The following NTRK2 variants were observed in gnomAD, a reference collection of about 807,000 sequenced individuals.
NTRK2 encodes BDNF/NT-3 growth factors receptor.
In NTRK2, 13 loss-of-function variants were observed where a neutral mutation model predicts 94.5. The observed-to-expected ratio is 0.14, with a 90% CI of 0.09 to 0.22. NTRK2 has a LOEUF of 0.22. NTRK2 is among the 10% of genes least tolerant of loss of function. NTRK2 has a pLI of 1.00. For synonymous variants in NTRK2, 372 were observed against 407.4 expected (o/e 0.91, Z 1.05); for missense variants, 639 against 1,071.2 (o/e 0.60, Z 5.63).
At chr9:84,885,912 T>C (rs1310145479) in intron 14 of NTRK2, among the ~76,000 whole-genome samples, 1 of 152,032 alleles carries the variant, frequency 6.6e-6, no homozygotes, top group African/African-American at 2.4e-5. Context: ...GCGCCTGTAA[T>C]CCCAGCTACT....
chr9:84,918,603 A>G (rs1478160495), intron 14 of NTRK2, among the ~76,000 whole-genome samples: 2 of 152,196 alleles, frequency 1.3e-5, no homozygotes, highest in African/African-American at 2.4e-5. Flanking sequence ...TGACAAATTT[A>G]TATGTTTTTT....
chr9:84,859,830 A>G (rs2075247213), intron 12 of NTRK2, among the ~76,000 whole-genome samples: 1 of 152,226 alleles, frequency 6.6e-6, no homozygotes, highest in Non-Finnish European at 1.5e-5. Context: ...CCAATGACTG[A>G]AGTTCACTGT....
chr9:84,829,577 T>C lies in NTRK2; in HGVS notation c.1397-31463T>C, dbSNP rs559414874. On this transcript the variant is annotated intron_variant, in intron 12 of 18. Transcript: ENST00000277120. Reference sequence around the variant, plus strand: ...TCAGGATCTGGTGTGTTGAGTGTTCTGTCTGTTGGCCTCTTAAGGGGCGAT... The same window carrying C: ...TCAGGATCTGGTGTGTTGAGTGTTCCGTCTGTTGGCCTCTTAAGGGGCGAT... Among the ~76,000 whole-genome samples the C allele has an allele frequency of 1.8e-4, 27 of 152,310 alleles. No homozygotes were observed. In the South Asian group the frequency reaches 5.4e-3, roughly 30 times the overall value.
At chr9:84,997,187 G>A (rs1295878816) in intron 17 of NTRK2, among the ~76,000 whole-genome samples, 1 of 152,202 alleles carries the variant, frequency 6.6e-6, no homozygotes, top group Non-Finnish European at 1.5e-5. Context: ...AGACAGGTAG[G>A]TATAGGGTTG....
At chr9:84,975,020 C>T (rs898751541) in intron 17 of NTRK2, among the ~76,000 whole-genome samples, 5 of 152,126 alleles carry the variant, frequency 3.3e-5, no homozygotes, top group African/African-American at 7.2e-5. Flanking sequence ...TTTGGCAGTG[C>T]CAGGAGACAC....
At chr9:85,018,742 G>A (rs1212289951) in intron 17 of NTRK2, among the ~76,000 whole-genome samples, 3 of 152,138 alleles carry the variant, frequency 2.0e-5, no homozygotes, top group African/African-American at 2.4e-5. Flanking sequence ...TTTGAGTATC[G>A]ACCCTGAGGG....
intron 17 of NTRK2, among the ~76,000 whole-genome samples, chr9:85,013,843 G>T (rs1443090117): frequency 2.0e-5 from 3 of 152,178 alleles, no homozygotes; most frequent in African/African-American, 7.2e-5. Flanking sequence ...AGGATGTTTG[G>T]CTTCCAAATA....
intron 14 of NTRK2, among the ~76,000 whole-genome samples, chr9:84,927,415 GC>G (rs34930166): frequency 0.037 from 5,583 of 152,170 alleles, 135 homozygotes; most frequent in Admixed American, 0.06. Flanking sequence ...GGGTTTTTCT[GC>G]CCTTTAGGTT....
intron 14 of NTRK2, among the ~76,000 whole-genome samples, chr9:84,915,555 A>G (rs1056697519): frequency 2.0e-5 from 3 of 152,158 alleles, no homozygotes; most frequent in Non-Finnish European, 4.4e-5. Flanking sequence ...GGCCCTCTCC[A>G]GAAGCAGATG....
intron 14 of NTRK2, among the ~76,000 whole-genome samples, chr9:84,927,046 C>T (rs778438258): frequency 1.1e-4 from 16 of 152,146 alleles, no homozygotes; most frequent in South Asian, 2.1e-4. Flanking sequence ...TTTGTAAAAT[C>T]GATTTGAAAC....
chr9:84,983,311 A>G (rs563725166), intron 17 of NTRK2, among the ~76,000 whole-genome samples: 31 of 152,332 alleles, frequency 2.0e-4, no homozygotes, highest in Non-Finnish European at 4.3e-4. Context: ...TCCTGTGGTC[A>G]GCACCAACAG....
intron 14 of NTRK2, among the ~76,000 whole-genome samples, chr9:84,897,723 A>G (rs2076801643): frequency 6.6e-6 from 1 of 152,218 alleles, no homozygotes; most frequent in Non-Finnish European, 1.5e-5. Flanking sequence ...CACCCTCACA[A>G]ACCACTTCTT....
chr9:84,945,535 A>G (rs111802838), intron 15 of NTRK2, among the ~76,000 whole-genome samples: 19 of 152,150 alleles, frequency 1.2e-4, no homozygotes, highest in Non-Finnish European at 2.4e-4. Context: ...CTCATCTGCT[A>G]TTTTTCTACT....
chr9:84,707,343 GT>G lies in NTRK2; in HGVS notation c.360-493del, dbSNP rs199921838. Among the ~76,000 whole-genome samples the G allele has an allele frequency of 6.3e-3, 956 of 151,900 alleles. 10 individuals carry two copies. The highest frequency in any genetic ancestry group is 0.021 in the African/African-American group (872 of 41,420). The stretch of plus-strand genomic sequence containing the variant: ...ATCATATGTAAACAATCTCAGTAGA[GT>G]TTTTTTTATCAATAAAATGTCTTTC... On this transcript the variant is annotated intron_variant, in intron 4 of 18. Coordinates refer to ENST00000277120, the MANE Select transcript of NTRK2 (RefSeq NM_006180.6).
intron 17 of NTRK2, among the ~76,000 whole-genome samples, chr9:84,977,015 A>G (rs796531993): frequency 5.9e-5 from 9 of 152,340 alleles, no homozygotes; most frequent in African/African-American, 2.2e-4. Flanking sequence ...GTTATTTTCT[A>G]TAAAGTCACT....
chr9:84,897,102 G>C (rs2076780634), intron 14 of NTRK2, among the ~76,000 whole-genome samples: 1 of 152,032 alleles, frequency 6.6e-6, no homozygotes, highest in South Asian at 2.1e-4. Context: ...CAAATGGAGG[G>C]GCTAAGCTGA....
chr9:84,893,281 C>T (rs1368044552), intron 14 of NTRK2, among the ~76,000 whole-genome samples: 11 of 152,300 alleles, frequency 7.2e-5, no homozygotes, highest in Non-Finnish European at 1.5e-4. Context: ...TGGCATCACA[C>T]AGTGTATACT....
chr9:84,858,192 A>T (rs1470144210), intron 12 of NTRK2, among the ~76,000 whole-genome samples: 1 of 151,832 alleles, frequency 6.6e-6, no homozygotes, highest in African/African-American at 2.4e-5. Context: ...CAATTCTCTC[A>T]TGCCTTGATT....
In NTRK2 at chr9:84,720,627, G is replaced by A. The variant is rs1056967225; in HGVS notation, c.584-2946G>A. Among the ~76,000 whole-genome samples the A allele has an allele frequency of 1.4e-4, 22 of 152,104 alleles. 1 individual carries two copies. The highest frequency in any genetic ancestry group is 2.0e-4 in the Admixed American group (3 of 15,266). On this transcript the variant is annotated intron_variant, in intron 6 of 18. Coordinates refer to ENST00000277120, the MANE Select transcript of NTRK2 (RefSeq NM_006180.6). ...GAATAGCCAGACATAATTGAGGAAA[G>A]CTTATAATTGAAAGATAAACACAAA...
Sources: gnomAD v4.1 joint callset for allele counts (sites outside exome capture counted in the v4.1 genomes callset) on GRCh38, gnomAD v4.1.1 for gene constraint, MANE v1.5 for transcripts, NCBI Gene and HGNC (gene_info 2026-07-23, HGNC 2026-07-21) for gene names.